Variants in BCR observed in about 807,000 individuals in gnomAD.
BCR encodes BCR activator of RhoGEF and GTPase.
BCR carries 58 observed loss-of-function variants against 138.6 expected under a neutral mutation model. The observed-to-expected ratio is 0.42, with a 90% confidence interval of 0.34 to 0.52. The LOEUF (loss-of-function observed/expected upper bound fraction) is 0.52. Among genes scored for constraint, BCR ranks in the 20% least tolerant of loss-of-function variants. The probability of loss-of-function intolerance (pLI) is 0.06; values close to 1 mark genes in which losing one functional copy is unlikely to be tolerated. For missense variants in BCR, 1,599 were observed against 1,727.2 expected, an observed-to-expected ratio of 0.93 and a Z score of 1.32; for synonymous variants, 786 against 730.1, an observed-to-expected ratio of 1.08 and a Z score of -1.23.
chr22:23,260,653 G>A (rs902904472), intron 2 of BCR, among the ~76,000 whole-genome samples: 3 of 152,208 alleles, frequency 2.0e-5, no homozygotes, highest in Non-Finnish European at 4.4e-5. Flanking sequence ...ATGCAGAAGC[G>A]TGGAGGGAGG....
At chr22:23,292,793 G>A (rs137940732) in intron 15 of BCR, among the ~76,000 whole-genome samples, 155 bp downstream of exon 15, 12 of 152,326 alleles carry the variant, frequency 7.9e-5, no homozygotes, top group Middle Eastern at 3.4e-3. Context: ...AGTAGGTGAC[G>A]TGTCCAAGAG....
At chr22:23,310,781 G>A (rs1411652278) in intron 18 of BCR, among the ~76,000 whole-genome samples, 2 of 152,192 alleles carry the variant, frequency 1.3e-5, no homozygotes, top group Admixed American at 1.3e-4. Flanking sequence ...TGTTTGGTTT[G>A]AGAGCAGTTC....
chr22:23,238,511 C>T (rs2073051032), intron 1 of BCR, among the ~76,000 whole-genome samples: 1 of 152,132 alleles, frequency 6.6e-6, no homozygotes, highest in Non-Finnish European at 1.5e-5. Context: ...GATCCTCCTT[C>T]TTAGCTGTGG....
rs954023991 is a variant in BCR, at chr22:23,315,521, A to G, written c.3815A>G (p.Ter1272=). 4 of 1,612,048 alleles carry G rather than the reference A, an allele frequency of 2.5e-6. No individual in the cohort carries two copies. The Admixed American group carries it at 6.7e-5, about 27-fold the overall frequency. ...AGCATCCTGTTCTCCACCGAAGTCTAAAGGTCCCAGTCCATCTCCTGGAGG... is the reference window on the plus strand; with the variant it reads ...AGCATCCTGTTCTCCACCGAAGTCTGAAGGTCCCAGTCCATCTCCTGGAGG... The part of the protein sequence containing the change: ...RQSILFSTEV[*] The change falls in exon 23 of 23, where the codon TAA becomes TGA. Residue 1272 remains the stop codon, a stop_retained_variant. Coordinates refer to ENST00000305877, the MANE Select transcript of BCR (RefSeq NM_004327.4).
chr22:23,233,068 A>G (rs148745108), intron 1 of BCR, among the ~76,000 whole-genome samples: 38 of 152,264 alleles, frequency 2.5e-4, no homozygotes, highest in African/African-American at 7.2e-4. Flanking sequence ...GACAATTGGG[A>G]TCCTGTAGAA....
At position 23,229,724 on chromosome 22, in the gene BCR, C is replaced by T. The variant is rs530953633; in HGVS notation, c.1280-24075C>T. Among the ~76,000 whole-genome samples the T allele has an allele frequency of 7.2e-5, 11 of 152,344 alleles. No homozygotes were observed. The East Asian group carries it at 1.7e-3, about 24-fold the overall frequency. On this transcript the variant is annotated intron_variant, in intron 1 of 22. Coordinates refer to ENST00000305877, the MANE Select transcript of BCR (RefSeq NM_004327.4). Reference sequence around the variant, plus strand: ...TAAAGGATCCCTTCTCCAGCTCCCTCTTCTCCATGATCTTCCCTATACTCT... The same window carrying T: ...TAAAGGATCCCTTCTCCAGCTCCCTTTTCTCCATGATCTTCCCTATACTCT...
Position 23,316,013 on chromosome 22 carries a change from A to AC in BCR, c.*491_*492insC. 7.8e-5 allele frequency: 19 copies of AC among 243,628 alleles called. No homozygotes were observed. Among genetic ancestry groups the AC allele is most frequent in the South Asian group, 2.5e-4 (4 of 16,040 alleles). 15.1% of individuals were successfully genotyped at this position (243,628 alleles called of 1,614,324 possible). ...GGCCTCTTCCATTTCCCTGACTTAG[A>AC]AACCACACTCCACTTCTAACAGGGT... On this transcript the variant is annotated 3_prime_UTR_variant, in exon 23 of 23. Coordinates refer to ENST00000305877, the MANE Select transcript of BCR (RefSeq NM_004327.4).
chr22:23,188,213 G>A (rs934003180), intron 1 of BCR, among the ~76,000 whole-genome samples: 1 of 152,212 alleles, frequency 6.6e-6, no homozygotes, highest in African/African-American at 2.4e-5. Context: ...CAGCAGCACA[G>A]AAGCAGAGTC....
chr22:23,311,318 C>T (rs1458235090), intron 18 of BCR, among the ~76,000 whole-genome samples: 9 of 150,108 alleles, frequency 6.0e-5, no homozygotes, highest in Non-Finnish European at 1.3e-4. Flanking sequence ...TCCTCTCACA[C>T]AGCACGTGGG....
intron 1 of BCR, among the ~76,000 whole-genome samples, chr22:23,195,620 C>T (rs1423897866): frequency 1.3e-5 from 2 of 150,690 alleles, no homozygotes; most frequent in Non-Finnish European, 3.0e-5. Context: ...GGCGCGGTGG[C>T]TCGCGCCTGT....
At chr22:23,226,361 G>T (rs1379962160) in intron 1 of BCR, among the ~76,000 whole-genome samples, 1 of 151,770 alleles carries the variant, frequency 6.6e-6, no homozygotes, top group Non-Finnish European at 1.5e-5. Context: ...TGTGTCAGAA[G>T]TGGTGTATCA....
At chr22:23,299,492 A>G (rs2073881206) in intron 16 of BCR, among the ~76,000 whole-genome samples, 1 of 151,652 alleles carries the variant, frequency 6.6e-6, no homozygotes, top group Non-Finnish European at 1.5e-5. Flanking sequence ...TTACCTGACC[A>G]TACCTCCCCC....
chr22:23,218,876 T>C (rs1211096184), intron 1 of BCR, among the ~76,000 whole-genome samples: 2 of 152,192 alleles, frequency 1.3e-5, no homozygotes, highest in Non-Finnish European at 2.9e-5. Flanking sequence ...AAAAATTGCC[T>C]GTTGACTTGT....
In BCR at chr22:23,187,231, T is replaced by A. The variant is rs114483258; in HGVS notation, c.1279+4992T>A. Reference sequence around the variant, plus strand: ...CTCGGTCTTTTTCTCATTTCATCCCTGTAGTTTACTTTCTGAGGATCTTTT... The same window carrying A: ...CTCGGTCTTTTTCTCATTTCATCCCAGTAGTTTACTTTCTGAGGATCTTTT... On this transcript the variant is annotated intron_variant, in intron 1 of 22. Coordinates refer to ENST00000305877, the MANE Select transcript of BCR (RefSeq NM_004327.4). Among the ~76,000 whole-genome samples, 425 of 152,176 alleles carry A rather than the reference T, an allele frequency of 2.8e-3. 3 individuals are homozygous for A. The highest frequency in any genetic ancestry group is 1.0e-2 in the African/African-American group (415 of 41,536).
chr22:23,193,880 A>G (rs1432885243), intron 1 of BCR, among the ~76,000 whole-genome samples: 1 of 152,214 alleles, frequency 6.6e-6, no homozygotes, highest in Non-Finnish European at 1.5e-5. Context: ...TTTGACTCCT[A>G]CCTTATCTGG....
chr22:23,199,223 G>C (rs1406203142), intron 1 of BCR: 1 of 509,894 alleles, frequency 2.0e-6, no homozygotes, highest in Non-Finnish European at 3.9e-6. Flanking sequence ...GCCAGATGGT[G>C]TGAGTGGCTC....
chr22:23,237,669 G>A (rs1047037148), intron 1 of BCR, among the ~76,000 whole-genome samples: 1 of 152,222 alleles, frequency 6.6e-6, no homozygotes, highest in Non-Finnish European at 1.5e-5. Flanking sequence ...AAGTCAGGGT[G>A]GTGGCCTTTG....
chr22:23,262,854 CGGGCCGCAGACGGCGAAGGA>C (rs1169725093), intron 4 of BCR: 1 of 1,044,544 alleles, frequency 9.6e-7, no homozygotes, highest in Non-Finnish European at 1.2e-6. Flanking sequence ...AAGGGAAGCC[CGGGCCGCAGACGGCGAAGGA>C]GGCAGCGGGC....
intron 1 of BCR, 34 bp from the exon 2 acceptor site, chr22:23,253,759 TTCTCTG>T (rs1416074939): frequency 1.3e-6 from 2 of 1,577,368 alleles, no homozygotes; most frequent in African/African-American, 2.7e-5. Flanking sequence ...GGATGCTCCC[TTCTCTG>T]TCTCTAACAC....
Sources: allele counts gnomAD v4.1 joint callset (sites outside exome capture counted in the v4.1 genomes callset), GRCh38; gene constraint gnomAD v4.1.1; transcripts MANE v1.5; gene names NCBI Gene and HGNC (gene_info 2026-07-23, HGNC 2026-07-21).